Variants in AUTS2 observed in about 807,000 individuals in gnomAD.
AUTS2 encodes the protein autism susceptibility gene 2 protein.
Under a neutral mutation model 112.4 loss-of-function variants are expected in AUTS2, and 17 were observed. The ratio of observed to expected loss-of-function variants is 0.15; its 90% CI spans 0.10 to 0.23. AUTS2 has a LOEUF of 0.23. Among genes scored for constraint, AUTS2 ranks in the 10% least tolerant of loss-of-function variants. The pLI is 1.00. For missense variants in AUTS2, 1,510 were observed against 1,701.6 expected (o/e 0.89, Z 1.98); for synonymous variants, 751 against 702.7 (o/e 1.07, Z -1.09).
chr7:70,704,911 C>T (rs1297362901), intron 6 of AUTS2, among the ~76,000 whole-genome samples: 1 of 152,212 alleles, frequency 6.6e-6, no homozygotes, highest in Non-Finnish European at 1.5e-5. Context: ...AATTATTTAA[C>T]ATTAACAGTA....
At chr7:70,466,822 A>C (rs2115753443) in intron 5 of AUTS2, among the ~76,000 whole-genome samples, 1 of 152,306 alleles carries the variant, frequency 6.6e-6, no homozygotes, top group Middle Eastern at 3.4e-3. Flanking sequence ...AGGGATAGAC[A>C]TGATCAGATT....
At chr7:70,130,087 T>C (rs1305123702) in intron 3 of AUTS2, among the ~76,000 whole-genome samples, 1 of 152,126 alleles carries the variant, frequency 6.6e-6, no homozygotes, top group African/African-American at 2.4e-5. Context: ...GTCCTTCTCC[T>C]TTTTACTCCC....
At chr7:69,700,110 G>T (rs760109014) in intron 1 of AUTS2, among the ~76,000 whole-genome samples, 1 of 152,120 alleles carries the variant, frequency 6.6e-6, no homozygotes, top group African/African-American at 2.4e-5. Context: ...AGATTTCCCC[G>T]CAGTCTTGTC....
intron 5 of AUTS2, among the ~76,000 whole-genome samples, chr7:70,554,393 CTTT>C (rs34757734): frequency 8.6e-5 from 10 of 116,042 alleles, no homozygotes; most frequent in Admixed American, 6.5e-4. Flanking sequence ...TCTTTTCTTT[CTTT>C]TTTTTTTTTT....
At chr7:70,179,632 T>TC (rs1320668705) in intron 4 of AUTS2, among the ~76,000 whole-genome samples, 2 of 152,156 alleles carry the variant, frequency 1.3e-5, no homozygotes, top group African/African-American at 4.8e-5. Flanking sequence ...AAGAGTGATT[T>TC]CCCCAAAAAC....
intron 1 of AUTS2, among the ~76,000 whole-genome samples, chr7:69,691,465 T>G (rs1797340172): frequency 6.6e-6 from 1 of 152,040 alleles, no homozygotes; most frequent in Non-Finnish European, 1.5e-5. Context: ...GCAGCCAAAG[T>G]CCAGAGGGGG....
chr7:70,110,609 A>C (rs763089470), intron 2 of AUTS2, among the ~76,000 whole-genome samples: 2 of 152,170 alleles, frequency 1.3e-5, no homozygotes, highest in Non-Finnish European at 2.9e-5. Context: ...AATAATGTGC[A>C]TGTTTGGCAG....
intron 3 of AUTS2, among the ~76,000 whole-genome samples, chr7:70,133,938 C>T (rs1287910121): frequency 6.6e-6 from 1 of 152,098 alleles, no homozygotes; most frequent in Non-Finnish European, 1.5e-5. Context: ...TTCACTGCTC[C>T]TCTTGGCCCA....
intron 4 of AUTS2, among the ~76,000 whole-genome samples, chr7:70,272,517 A>G (rs1193613671): frequency 1.3e-5 from 2 of 152,130 alleles, no homozygotes; most frequent in East Asian, 1.9e-4. Flanking sequence ...TTGAAAATGC[A>G]TCTTTTTTCT....
At chr7:70,607,645 G>A (rs116868771) in intron 5 of AUTS2, among the ~76,000 whole-genome samples, 21 of 152,300 alleles carry the variant, frequency 1.4e-4, no homozygotes, top group Admixed American at 3.9e-4. Context: ...GCAGTTCAGC[G>A]TGCAAGATAC....
chr7:70,373,202 A>T (rs1186700746), intron 4 of AUTS2, among the ~76,000 whole-genome samples: 1 of 151,922 alleles, frequency 6.6e-6, no homozygotes, highest in Non-Finnish European at 1.5e-5. Context: ...GGGCCAGGAC[A>T]GAAGAGCAGA....
At chr7:70,553,496 T>C (rs1801099968) in intron 5 of AUTS2, among the ~76,000 whole-genome samples, 1 of 152,176 alleles carries the variant, frequency 6.6e-6, no homozygotes. Context: ...GTTTTTGTGC[T>C]GTGGTCATGA....
intron 5 of AUTS2, among the ~76,000 whole-genome samples, chr7:70,654,170 C>T (rs554906026): frequency 1.8e-4 from 27 of 152,222 alleles, no homozygotes; most frequent in East Asian, 3.9e-4. Flanking sequence ...TACTACTGTA[C>T]GAGATGTGGG....
chr7:70,568,455 A>T (rs1801797537), intron 5 of AUTS2, among the ~76,000 whole-genome samples: 1 of 152,294 alleles, frequency 6.6e-6, no homozygotes, highest in South Asian at 2.1e-4. Flanking sequence ...TACTTTTTTA[A>T]ATGTTTTTAC....
intron 3 of AUTS2, chr7:70,118,802 A>G (rs1805526190): frequency 6.6e-6 from 1 of 152,094 alleles, no homozygotes; most frequent in Non-Finnish European, 1.5e-5. Context: ...TTCCCGTTGG[A>G]TTTCTGGAAG....
At chr7:70,123,209 A>G (rs930510798) in intron 3 of AUTS2, among the ~76,000 whole-genome samples, 8 of 152,130 alleles carry the variant, frequency 5.3e-5, no homozygotes, top group African/African-American at 1.4e-4. Context: ...AACCCACAGA[A>G]TGGATCTTTT....
intron 2 of AUTS2, among the ~76,000 whole-genome samples, chr7:69,915,871 C>T (rs937296516): frequency 6.6e-5 from 10 of 152,122 alleles, no homozygotes; most frequent in South Asian, 2.1e-4. Flanking sequence ...GGACTACAGG[C>T]GCACACCACC....
intron 4 of AUTS2, among the ~76,000 whole-genome samples, chr7:70,242,415 C>G (rs1812665537): frequency 6.6e-6 from 1 of 152,214 alleles, no homozygotes; most frequent in Non-Finnish European, 1.5e-5. Flanking sequence ...TCCATCCATA[C>G]TTCCCCTGCT....
At chr7:70,662,693 T>C (rs147108422) in intron 5 of AUTS2, among the ~76,000 whole-genome samples, 99 of 152,284 alleles carry the variant, frequency 6.5e-4, no homozygotes, top group African/African-American at 2.3e-3. Context: ...TAAGAAGAAA[T>C]CTTTCTGGGC....
Sources: allele counts gnomAD v4.1 joint callset (sites outside exome capture counted in the v4.1 genomes callset), GRCh38; gene constraint gnomAD v4.1.1; transcripts MANE v1.5; gene names NCBI Gene and HGNC (gene_info 2026-07-23, HGNC 2026-07-21).